The following METTL24 variants were observed in gnomAD, a reference collection of about 807,000 sequenced individuals.
The protein encoded by METTL24 is methyltransferase like 24.
A neutral mutation model predicts 32.7 loss-of-function variants in METTL24; 29 were observed. The observed-to-expected ratio is 0.89, with a 90% CI of 0.66 to 1.21. The LOEUF is 1.21. Among genes scored for constraint, METTL24 ranks in the 50% most tolerant of loss-of-function variants. METTL24 has a pLI of 0.00. For missense variants in METTL24, 439 were observed against 468.1 expected (o/e 0.94, Z 0.57); for synonymous variants, 163 against 179.5 (o/e 0.91, Z 0.73).
intron 4 of METTL24, among the ~76,000 whole-genome samples, chr6:110,261,590 T>C (rs1770731921): frequency 6.6e-6 from 1 of 152,140 alleles, no homozygotes; most frequent in Non-Finnish European, 1.5e-5. Context: ...ATCCAGGAAT[T>C]GAACTCAGCT....
At chr6:110,322,023 T>G (rs902702744) in intron 2 of METTL24, among the ~76,000 whole-genome samples, 1 of 152,192 alleles carries the variant, frequency 6.6e-6, no homozygotes, top group African/African-American at 2.4e-5. Flanking sequence ...CTAGCACCTC[T>G]CAGTTCAGGG....
At chr6:110,340,666 C>T (rs1385288386) in intron 1 of METTL24, among the ~76,000 whole-genome samples, 1 of 152,148 alleles carries the variant, frequency 6.6e-6, no homozygotes, top group Non-Finnish European at 1.5e-5. Flanking sequence ...TCCACAGCTT[C>T]CATCAAATTG....
intron 4 of METTL24, among the ~76,000 whole-genome samples, chr6:110,253,491 C>T (rs539572173): frequency 2.3e-4 from 35 of 152,260 alleles, no homozygotes; most frequent in African/African-American, 7.2e-4. Context: ...GTAAAAGTTA[C>T]TTGTATTGTG....
In METTL24 at chr6:110,287,917, G is replaced by C. The variant is rs147243532; in HGVS notation, c.786+11005C>G. ...ATTATCTAAGACTCAGGCATGCCTG[G>C]ACCTTGACCTGGTGTGGCAGACCAG... On this transcript the variant is annotated intron_variant, in intron 4 of 4. Coordinates refer to ENST00000338882, the MANE Select transcript of METTL24 (RefSeq NM_001123364.3). Among the ~76,000 whole-genome samples, 256 of 152,300 alleles carry C rather than the reference G, an allele frequency of 1.7e-3. 2 individuals are homozygous for C. The highest frequency in any genetic ancestry group is 6.0e-3 in the African/African-American group (248 of 41,568).
intron 4 of METTL24, among the ~76,000 whole-genome samples, chr6:110,286,848 G>T (rs1771230296): frequency 6.6e-6 from 1 of 152,168 alleles, no homozygotes; most frequent in South Asian, 2.1e-4. Flanking sequence ...AACGTGAAAA[G>T]GAGAGACTGG....
At position 110,358,239 on chromosome 6, in the gene METTL24, C is replaced by T. The variant is rs771534344; in HGVS notation, c.34G>A (p.Gly12Ser). 2.0e-6 allele frequency: 3 copies of T among 1,487,314 alleles called. No homozygotes were observed. In the Admixed American group the frequency reaches 6.6e-5, roughly 33 times the overall value. 92.1% of individuals were successfully genotyped at this position (1,487,314 alleles called of 1,614,324 possible). The change falls in exon 1 of 5, where the codon GGC (glycine) becomes AGC (serine). Residue 12 changes from glycine (G) to serine (S), a missense_variant. Gly to Ser is a moderately conservative substitution (Grantham distance 56, BLOSUM62 0). Transcript: ENST00000338882. ...ARERPPGRGC[G>S]VLRRCLLGAV... The stretch of plus-strand genomic sequence containing the variant: ...CCGAGTAGACACCGGCGCAGGACGC[C>T]GCAGCCCCTCCCGGGCGGCCTCTCC...
chr6:110,303,388 G>A (rs745390523), intron 3 of METTL24, among the ~76,000 whole-genome samples: 104 of 152,274 alleles, frequency 6.8e-4, no homozygotes, highest in Non-Finnish European at 1.1e-3. Flanking sequence ...CCACCCCCAA[G>A]GAGCCCAGCA....
At position 110,322,849 on chromosome 6, in the gene METTL24, G is replaced by C. The variant is rs894323755; in HGVS notation, c.342C>G (p.Leu114=). The C allele has an allele frequency of 6.2e-7, 1 of 1,613,918 alleles. No homozygotes were observed. The highest frequency in any genetic ancestry group is 1.3e-5 in the African/African-American group (1 of 75,028). ...ACTGAGCAGAGCCTGCCCAAGGCTG[G>C]AGATCTATATGCCACCGGGGACCCT... ...RRKGPRWHID[L]QPWAGSAQSL... The change falls in exon 2 of 5, where the codon CTC becomes CTG. Residue 114 remains leucine, a synonymous_variant. Coordinates refer to ENST00000338882, the MANE Select transcript of METTL24 (RefSeq NM_001123364.3).
At position 110,262,771 on chromosome 6, in the gene METTL24, A is replaced by G. The variant is rs544432730; in HGVS notation, c.787-16511T>C. On this transcript the variant is annotated intron_variant, in intron 4 of 4. Coordinates refer to ENST00000338882, the MANE Select transcript of METTL24 (RefSeq NM_001123364.3). ...CAGCATATCAAAAAGCTTATCCACCATGATCAAGTGGGCTTCATCCCTGGG... is the reference window on the plus strand; with the variant it reads ...CAGCATATCAAAAAGCTTATCCACCGTGATCAAGTGGGCTTCATCCCTGGG... Among the ~76,000 whole-genome samples, 633 of 152,350 alleles carry G rather than the reference A, an allele frequency of 4.2e-3. 6 individuals carry two copies. The highest frequency in any genetic ancestry group is 6.8e-3 in the Non-Finnish European group (463 of 68,028).
intron 1 of METTL24, among the ~76,000 whole-genome samples, chr6:110,326,855 C>T (rs1260163703): frequency 6.6e-6 from 1 of 152,218 alleles, no homozygotes; most frequent in Non-Finnish European, 1.5e-5. Flanking sequence ...AAGACTGAGG[C>T]TGTGCTTGGT....
At chr6:110,256,001 GT>G (rs1399810527) in intron 4 of METTL24, among the ~76,000 whole-genome samples, 1 of 152,132 alleles carries the variant, frequency 6.6e-6, no homozygotes, top group Non-Finnish European at 1.5e-5. Flanking sequence ...TTGGTATTTA[GT>G]TTTTGCTTGT....
At chr6:110,296,282 T>C (rs1300267529) in intron 4 of METTL24, among the ~76,000 whole-genome samples, 2 of 152,252 alleles carry the variant, frequency 1.3e-5, no homozygotes, top group African/African-American at 2.4e-5. Context: ...ATGATTAATA[T>C]GAGCAGAAAC....
At chr6:110,253,434 C>T (rs1323709858) in intron 4 of METTL24, among the ~76,000 whole-genome samples, 2 of 152,130 alleles carry the variant, frequency 1.3e-5, no homozygotes, top group African/African-American at 2.4e-5. Context: ...CAATAGATAA[C>T]TAGAACAGAG....
At chr6:110,331,624 C>A (rs1433675723) in intron 1 of METTL24, among the ~76,000 whole-genome samples, 1 of 140,112 alleles carries the variant, frequency 7.1e-6, no homozygotes, top group Non-Finnish European at 1.5e-5. Flanking sequence ...TGTGCCACTG[C>A]ACTCCAGCCT....
chr6:110,245,503 A>G lies in METTL24; in HGVS notation c.*443T>C, dbSNP rs1007540606. Among the ~76,000 whole-genome samples, 1 of 152,252 alleles carries G rather than the reference A, an allele frequency of 6.6e-6. No individual in the cohort carries two copies. Among genetic ancestry groups the G allele is most frequent in the African/African-American group, 2.4e-5 (1 of 41,470 alleles). Reference sequence around the variant, plus strand: ...CAAGGTTGTAAAGAATATCATTAACAAGGTAAATAAGAAAAACCTTGAAAA... The same window carrying G: ...CAAGGTTGTAAAGAATATCATTAACGAGGTAAATAAGAAAAACCTTGAAAA... On this transcript the variant is annotated 3_prime_UTR_variant, in exon 5 of 5. Coordinates refer to ENST00000338882, the MANE Select transcript of METTL24 (RefSeq NM_001123364.3).
At chr6:110,349,273 A>G (rs1164943808) in intron 1 of METTL24, among the ~76,000 whole-genome samples, 1 of 152,236 alleles carries the variant, frequency 6.6e-6, no homozygotes. Context: ...GATTGTGAGC[A>G]GAGGCAATGT....
intron 2 of METTL24, among the ~76,000 whole-genome samples, chr6:110,317,970 A>T (rs1771856018): frequency 6.6e-6 from 1 of 152,162 alleles, no homozygotes; most frequent in South Asian, 2.1e-4. Context: ...AGCCCCAGTG[A>T]AAGGTTCCAG....
At chr6:110,310,181 T>C (rs528554973) in intron 3 of METTL24, among the ~76,000 whole-genome samples, 8 of 152,190 alleles carry the variant, frequency 5.3e-5, no homozygotes, top group Admixed American at 1.3e-4. Context: ...GGGCTCTTGC[T>C]ATCTAACCAT....
intron 4 of METTL24, among the ~76,000 whole-genome samples, chr6:110,283,719 GT>G (rs1771175230): frequency 6.6e-6 from 1 of 152,144 alleles, no homozygotes; most frequent in Admixed American, 6.6e-5. Flanking sequence ...TAAAAGACTT[GT>G]TTATGGGAGT....
Sources: allele counts gnomAD v4.1 joint callset (sites outside exome capture counted in the v4.1 genomes callset), GRCh38; gene constraint gnomAD v4.1.1; transcripts MANE v1.5; gene names NCBI Gene and HGNC (gene_info 2026-07-23, HGNC 2026-07-21).